The following LRIF1 variants were observed in gnomAD, a reference collection of about 807,000 sequenced individuals.
LRIF1 encodes ligand-dependent nuclear receptor-interacting factor 1.
Under a neutral mutation model 52.7 loss-of-function variants are expected in LRIF1, and 32 were observed. That is an observed-to-expected ratio of 0.61 (90% confidence interval 0.46 to 0.82). The LOEUF (loss-of-function observed/expected upper bound fraction) is 0.82. LRIF1 is among the 40% of genes least tolerant of loss of function. LRIF1 has a pLI of 0.00. For synonymous variants in LRIF1, 323 were observed against 317.4 expected, an observed-to-expected ratio of 1.02 and a Z score of -0.19; for missense variants, 887 against 892.0, an observed-to-expected ratio of 0.99 and a Z score of 0.07.
At chr1:110,887,286 G>A in the LRIF1 span, among the ~76,000 whole-genome samples, 4 of 151,976 alleles carry the variant, frequency 2.6e-5, no homozygotes, top group Admixed American at 6.5e-5. Context: ...GGATCGTCTC[G>A]ATCTCCTGAC....
intron 2 of LRIF1, 123 bp downstream of exon 2, chr1:110,951,165 A>G (rs1658455711): frequency 7.8e-6 from 6 of 767,222 alleles, no homozygotes; most frequent in Non-Finnish European, 1.0e-5. Flanking sequence ...TCATATGTGT[A>G]TAGTCTGTGT....
chr1:110,926,593 G>A, the LRIF1 span, among the ~76,000 whole-genome samples: 1 of 151,966 alleles, frequency 6.6e-6, no homozygotes, highest in Non-Finnish European at 1.5e-5. Flanking sequence ...AAATATTAGA[G>A]TTTAAAGTAA....
At chr1:110,894,419 C>A in the LRIF1 span, 3 of 1,578,740 alleles carry the variant, frequency 1.9e-6, no homozygotes, top group Non-Finnish European at 2.6e-6. Context: ...ATAAAGACAA[C>A]AACTTATTGT....
chr1:110,945,928 T>G (rs1158632853), downstream of LRIF1, among the ~76,000 whole-genome samples: 1 of 152,148 alleles, frequency 6.6e-6, no homozygotes, highest in Non-Finnish European at 1.5e-5. Context: ...CTGACTGAAA[T>G]AGTTTGGCAG....
chr1:110,934,060 C>A, the LRIF1 span, among the ~76,000 whole-genome samples: 54 of 152,134 alleles, frequency 3.5e-4, no homozygotes, highest in Non-Finnish European at 5.9e-4. Context: ...GACCCTAGCT[C>A]CTGGATGACA....
At chr1:110,878,686 C>G in the LRIF1 span, among the ~76,000 whole-genome samples, 48 of 152,086 alleles carry the variant, frequency 3.2e-4, no homozygotes, top group African/African-American at 1.1e-3. Flanking sequence ...TCTTAGCTTA[C>G]AAAGGTGTTT....
chr1:110,883,108 A>G, the LRIF1 span, among the ~76,000 whole-genome samples: 1 of 151,984 alleles, frequency 6.6e-6, no homozygotes, highest in Non-Finnish European at 1.5e-5. Context: ...AGAGTAGTTA[A>G]GAGTAAACAG....
At position 110,952,739 on chromosome 1, in the gene LRIF1, G is replaced by A; in HGVS notation, c.145C>T (p.Pro49Ser). 1 of 1,613,720 alleles carries A rather than the reference G, an allele frequency of 6.2e-7. No homozygotes were observed. Among genetic ancestry groups the A allele is most frequent in the Non-Finnish European group, 8.5e-7 (1 of 1,179,792 alleles). ...GKNLLQLLPI[P>S]KSSGNLIPLV... ...GGTATAAGATTTCCAGAAGACTTAGGAATTGGAAGTAATTGCAGAAGATTT... is the reference window on the plus strand; with the variant it reads ...GGTATAAGATTTCCAGAAGACTTAGAAATTGGAAGTAATTGCAGAAGATTT... The change falls in exon 2 of 4, where the codon CCT (proline) becomes TCT (serine). Residue 49 changes from proline (P) to serine (S), a missense_variant. Physicochemically the swap from Pro to Ser is moderately conservative, Grantham distance 74. Coordinates refer to ENST00000369763, the MANE Select transcript of LRIF1 (RefSeq NM_018372.4).
Position 110,951,363 on chromosome 1 carries a change from T to C in LRIF1, c.1521A>G (p.Ile507Met). The change falls in exon 2 of 4, where the codon ATA becomes ATG. Residue 507 changes from isoleucine (I) to methionine (M), a missense_variant. Coordinates refer to ENST00000369763, the MANE Select transcript of LRIF1 (RefSeq NM_018372.4). ...YARKGSVLQS[I>M]EKISSSVDAT... ...CATCAACAGAGGAACTTATTTTCTC[T>C]ATGCTCTGGAGGACACTTCCTTTTC... 1 of 1,614,174 alleles carries C rather than the reference T, an allele frequency of 6.2e-7. No individual in the cohort carries two copies. Among genetic ancestry groups the C allele is most frequent in the South Asian group, 1.1e-5 (1 of 91,082 alleles).
chr1:110,907,942 A>G, the LRIF1 span, among the ~76,000 whole-genome samples: 4 of 152,182 alleles, frequency 2.6e-5, no homozygotes, highest in African/African-American at 9.7e-5. Context: ...CTATTGCAAT[A>G]GTTATTACTG....
chr1:110,952,504 T>C lies in LRIF1; in HGVS notation c.380A>G (p.Asn127Ser). ...KGRVTSVGTG[N>S]FSSSVSKVQS... ...AACTTTAGAAACTGATGAAGAAAAA[T>C]TTCCAGTTCCCACAGAAGTAACTCT... The change falls in exon 2 of 4, where the codon AAT (asparagine) becomes AGT (serine). Residue 127 changes from asparagine (N) to serine (S), a missense_variant. Coordinates refer to ENST00000369763, the MANE Select transcript of LRIF1 (RefSeq NM_018372.4). 1 of 1,613,386 alleles carries C rather than the reference T, an allele frequency of 6.2e-7. No homozygotes were observed. Among genetic ancestry groups the C allele is most frequent in the Non-Finnish European group, 8.5e-7 (1 of 1,179,408 alleles).
chr1:110,906,048 A>T, the LRIF1 span, among the ~76,000 whole-genome samples: 1 of 152,180 alleles, frequency 6.6e-6, no homozygotes, highest in Non-Finnish European at 1.5e-5. Context: ...ATAAAAAGCA[A>T]GAAACTAAAT....
chr1:110,886,846 A>AAGATATATATATATATATAT, the LRIF1 span, among the ~76,000 whole-genome samples: 36 of 100,998 alleles, frequency 3.6e-4, 2 homozygotes, highest in African/African-American at 8.5e-4. Flanking sequence ...CTCTGTCTCC[A>AAGATATATATATATATATAT]ATATATATAT....
At chr1:110,890,831 A>G in the LRIF1 span, among the ~76,000 whole-genome samples, 2 of 152,240 alleles carry the variant, frequency 1.3e-5, no homozygotes, top group African/African-American at 4.8e-5. Context: ...TCATGGTTGC[A>G]TCTTCCACAA....
the LRIF1 span, among the ~76,000 whole-genome samples, chr1:110,909,528 G>A: frequency 6.9e-6 from 1 of 143,974 alleles, no homozygotes; most frequent in South Asian, 2.4e-4. Flanking sequence ...AAGGGATGGA[G>A]AAAGATCTAT....
At chr1:110,921,915 A>G in the LRIF1 span, among the ~76,000 whole-genome samples, 1 of 152,188 alleles carries the variant, frequency 6.6e-6, no homozygotes, top group Non-Finnish European at 1.5e-5. Flanking sequence ...AGATTATGCC[A>G]TCACCCAGGT....
intron 1 of LRIF1, among the ~76,000 whole-genome samples, chr1:110,961,792 T>C (rs929799751): frequency 3.3e-5 from 5 of 152,146 alleles, no homozygotes; most frequent in Non-Finnish European, 5.9e-5. Flanking sequence ...CAAAATTATA[T>C]TTGGATGTTT....
the LRIF1 span, among the ~76,000 whole-genome samples, chr1:110,932,611 A>G: frequency 6.6e-6 from 1 of 152,196 alleles, no homozygotes; most frequent in East Asian, 1.9e-4. Flanking sequence ...CTTCCTATCC[A>G]TGAGCATGTA....
chr1:110,913,082 A>G, the LRIF1 span, among the ~76,000 whole-genome samples: 11 of 152,240 alleles, frequency 7.2e-5, no homozygotes, highest in African/African-American at 9.6e-5. Context: ...AGGACTCCCT[A>G]TTAAACAAAT....
Sources: gnomAD v4.1 joint callset for allele counts (sites outside exome capture counted in the v4.1 genomes callset) on GRCh38, gnomAD v4.1.1 for gene constraint, MANE v1.5 for transcripts, NCBI Gene and HGNC (gene_info 2026-07-23, HGNC 2026-07-21) for gene names.